Variants in MACF1 observed in about 807,000 individuals in gnomAD.
MACF1 encodes microtubule-actin cross-linking factor 1.
In MACF1, 193 loss-of-function variants were observed where a neutral mutation model predicts 854.8. The observed-to-expected ratio is 0.23, with a 90% CI of 0.20 to 0.25. The LOEUF (loss-of-function observed/expected upper bound fraction) is 0.25. Among genes scored for constraint, MACF1 ranks in the 10% least tolerant of loss-of-function variants. The pLI is 1.00. For missense variants in MACF1, 7,722 were observed against 8,929.1 expected, an observed-to-expected ratio of 0.86 and a Z score of 5.45; for synonymous variants, 3,185 against 3,226.7, an observed-to-expected ratio of 0.99 and a Z score of 0.44.
chr1:39,346,983 A>C lies in MACF1; in HGVS notation c.10588A>C (p.Lys3530Gln), dbSNP rs201785799. 39 of 1,602,154 alleles carry C rather than the reference A, an allele frequency of 2.4e-5. No individual in the cohort carries two copies. Among genetic ancestry groups the C allele is most frequent in the Non-Finnish European group, 2.8e-5 (33 of 1,175,382 alleles). ...NLCLQQYEDL[K>Q]QPMAERKAQL... is the part of the protein sequence containing the mutation. ...CTTTTTCCATTTACCTTAGGATTTGAAACAGCCCATGGCTGAAAGGAAAGC... is the reference window on the plus strand; with the variant it reads ...CTTTTTCCATTTACCTTAGGATTTGCAACAGCCCATGGCTGAAAGGAAAGC... The change falls in exon 41 of 101, where the codon AAA (lysine) becomes CAA (glutamine). Residue 3530 changes from lysine to glutamine, a missense_variant. By Grantham distance (53) the Lys-to-Gln change is moderately conservative (BLOSUM62 1). Transcript: ENST00000564288.
intron 42 of MACF1, among the ~76,000 whole-genome samples, chr1:39,350,314 C>T (rs1044776667): frequency 1.3e-5 from 2 of 151,914 alleles, no homozygotes; most frequent in Non-Finnish European, 2.9e-5. Flanking sequence ...ATTCAAGAAC[C>T]GAAAGAAAGC....
chr1:39,459,776 C>A, intron 91 of MACF1: 1 of 1,278,266 alleles, frequency 7.8e-7, no homozygotes, highest in Non-Finnish European at 1.0e-6. Flanking sequence ...CTAAAACAAG[C>A]CTCTAATATC....
chr1:39,430,538 G>A (rs1472393254), intron 65 of MACF1, among the ~76,000 whole-genome samples, 164 bp from the exon 66 acceptor site: 1 of 152,072 alleles, frequency 6.6e-6, no homozygotes, highest in Non-Finnish European at 1.5e-5. Flanking sequence ...TCTAAAGTCA[G>A]GCTTCAGAAT....
rs553905725 is a variant in MACF1, at chr1:39,435,770, G to A, written c.17988+9G>A. On this transcript the variant is annotated intron_variant, in intron 70 of 100. Coordinates refer to ENST00000564288, the MANE Select transcript of MACF1 (RefSeq NM_001394062.1). ...TGTCCCAGTCCACACAGGTATGTGT[G>A]TGTCTGACACTCATAACCTTGAATT... 3.1e-6 allele frequency: 5 copies of A among 1,613,436 alleles called. No individual in the cohort carries two copies. The South Asian group carries it at 3.3e-5, about 11-fold the overall frequency.
At chr1:39,092,544 C>G (rs189387312) in intron 2 of MACF1, among the ~76,000 whole-genome samples, 161 of 152,322 alleles carry the variant, frequency 1.1e-3, no homozygotes, top group Non-Finnish European at 2.0e-3. Context: ...ATGGCGCCCC[C>G]TGGCCCTCAA....
chr1:39,237,511 T>G (rs1644873098), intron 2 of MACF1, among the ~76,000 whole-genome samples: 1 of 152,238 alleles, frequency 6.6e-6, no homozygotes, highest in Non-Finnish European at 1.5e-5. Flanking sequence ...CACATTCTTA[T>G]CTGTCTTAAT....
At chr1:39,187,818 CT>C (rs1176091344) in intron 2 of MACF1, among the ~76,000 whole-genome samples, 1 of 151,052 alleles carries the variant, frequency 6.6e-6, no homozygotes, top group East Asian at 1.9e-4. Flanking sequence ...CCTTTTAAGT[CT>C]CTCTAAGGAT....
Position 39,477,384 on chromosome 1 carries a change from C to G in MACF1, c.21959-2414C>G, listed in dbSNP as rs186218032. Among the ~76,000 whole-genome samples, 131 of 151,930 alleles carry G rather than the reference C, an allele frequency of 8.6e-4. 1 individual carries two copies. Among genetic ancestry groups the G allele is most frequent in the African/African-American group, 3.1e-3 (129 of 41,422 alleles). ...GATCTGCAGGCACATGCCACCATGC[C>G]TAGCTAATTTTTTAATTTTTTGCAG... On this transcript the variant is annotated intron_variant, in intron 97 of 100. Transcript: ENST00000564288.
At chr1:39,311,427 T>A (rs1646298602) in intron 26 of MACF1, among the ~76,000 whole-genome samples, 1 of 152,194 alleles carries the variant, frequency 6.6e-6, no homozygotes, top group Admixed American at 6.5e-5. Context: ...GTCTGTGACT[T>A]TGAGCAAGTG....
At chr1:39,319,942 G>A (rs1646481728) in intron 31 of MACF1, among the ~76,000 whole-genome samples, 195 bp downstream of exon 31, 1 of 152,136 alleles carries the variant, frequency 6.6e-6, no homozygotes, top group South Asian at 2.1e-4. Context: ...GCAGACGTTG[G>A]CTGTGATTTG....
intron 20 of MACF1, 152 bp from the exon 21 acceptor site, chr1:39,297,468 T>C (rs944967880): frequency 3.3e-5 from 31 of 938,134 alleles, no homozygotes; most frequent in African/African-American, 2.9e-4. Context: ...CTTCGGTTTA[T>C]GTTTCAGTGG....
intron 6 of MACF1, chr1:39,269,269 A>G (rs1424252575): frequency 7.8e-7 from 1 of 1,289,776 alleles, no homozygotes; most frequent in East Asian, 5.6e-5. Context: ...GAGAAAGGAA[A>G]TATTCAGCGT....
At chr1:39,352,205 A>G (rs1019287754) in intron 43 of MACF1, among the ~76,000 whole-genome samples, 1 of 152,218 alleles carries the variant, frequency 6.6e-6, no homozygotes, top group Non-Finnish European at 1.5e-5. Flanking sequence ...ACTTGGCATA[A>G]CCTATTTAAT....
At chr1:39,208,845 G>A (rs1644484028) in intron 1 of MACF1, among the ~76,000 whole-genome samples, 1 of 151,854 alleles carries the variant, frequency 6.6e-6, no homozygotes, top group Non-Finnish European at 1.5e-5. Context: ...GGCTGGTCTC[G>A]AACTCTTGAC....
intron 17 of MACF1, among the ~76,000 whole-genome samples, chr1:39,293,066 C>A (rs1278388413): frequency 1.3e-5 from 2 of 152,128 alleles, no homozygotes; most frequent in African/African-American, 2.4e-5. Flanking sequence ...TAAATAGAAC[C>A]TATCCTAGGT....
chr1:39,102,012 T>C (rs1390582195), intron 2 of MACF1, among the ~76,000 whole-genome samples: 2 of 150,386 alleles, frequency 1.3e-5, no homozygotes, highest in East Asian at 3.9e-4. Flanking sequence ...CCGTCTCTAC[T>C]AAAAATACAA....
intron 40 of MACF1, among the ~76,000 whole-genome samples, chr1:39,344,661 A>G (rs554929181): frequency 4.6e-5 from 7 of 152,126 alleles, no homozygotes; most frequent in Non-Finnish European, 8.8e-5. Flanking sequence ...TCGCATGTGC[A>G]GTGTGTTTAC....
intron 87 of MACF1, 98 bp from the exon 88 acceptor site, chr1:39,453,609 A>C: frequency 1.8e-6 from 2 of 1,086,770 alleles, no homozygotes; most frequent in South Asian, 2.8e-5. Flanking sequence ...CACATGGAGG[A>C]AAAAGAAAAC....
intron 2 of MACF1, among the ~76,000 whole-genome samples, chr1:39,173,351 A>AAAAAAG (rs1553155692): frequency 0.14 from 17,759 of 126,040 alleles, 1,771 homozygotes; most frequent in Non-Finnish European, 0.2. Flanking sequence ...AAAAAAAAAA[A>AAAAAAG]AAAGAAAGAA....
Sources: gnomAD v4.1 joint callset for allele counts (sites outside exome capture counted in the v4.1 genomes callset) on GRCh38, gnomAD v4.1.1 for gene constraint, MANE v1.5 for transcripts, NCBI Gene and HGNC (gene_info 2026-07-23, HGNC 2026-07-21) for gene names.